The following CYTH3 variants were observed in gnomAD, a reference collection of about 807,000 sequenced individuals.
The protein encoded by CYTH3 is cytohesin-3.
CYTH3 carries 23 observed loss-of-function variants against 55.1 expected under a neutral mutation model. The observed-to-expected ratio is 0.42, with a 90% CI of 0.30 to 0.59. The LOEUF (loss-of-function observed/expected upper bound fraction) is 0.59, where lower values mean the gene tolerates loss of function less well. CYTH3 is among the 20% of genes least tolerant of loss of function. The probability of loss-of-function intolerance (pLI) is 0.20; values close to 1 mark genes in which losing one functional copy is unlikely to be tolerated. For synonymous variants in CYTH3, 249 were observed against 194.9 expected, an observed-to-expected ratio of 1.28 and a Z score of -2.31; for missense variants, 413 against 524.8, an observed-to-expected ratio of 0.79 and a Z score of 2.08.
chr7:6,215,839 T>C (rs1583169646), intron 1 of CYTH3, among the ~76,000 whole-genome samples: 1 of 152,062 alleles, frequency 6.6e-6, no homozygotes, highest in East Asian at 1.9e-4. Context: ...AGAAAGATAA[T>C]TCAAATGACA....
chr7:6,260,493 T>C lies in CYTH3; in HGVS notation c.34+11981A>G, dbSNP rs192593120. Among the ~76,000 whole-genome samples, 64 of 152,260 alleles carry C rather than the reference T, an allele frequency of 4.2e-4. 1 individual carries two copies. Among genetic ancestry groups the C allele is most frequent in the South Asian group, 3.1e-3 (15 of 4,830 alleles). On this transcript the variant is annotated intron_variant, in intron 1 of 12. Transcript: ENST00000350796. ...ATGCCACATTTCCAATTAAGGCCCA[T>C]GGCACGTGCCTTTCCTTCAGCAAAG...
intron 1 of CYTH3, among the ~76,000 whole-genome samples, chr7:6,241,564 ATT>A (rs1478815419): frequency 6.6e-6 from 1 of 152,204 alleles, no homozygotes; most frequent in Non-Finnish European, 1.5e-5. Context: ...ACTTCTGAAA[ATT>A]TCTCTCTCAG....
Position 6,170,747 on chromosome 7 carries a change from G to C in CYTH3, c.711+83C>G. The C allele has an allele frequency of 6.4e-7, 1 of 1,567,836 alleles. No individual in the cohort carries two copies. The highest frequency in any genetic ancestry group is 2.3e-5 in the East Asian group (1 of 43,054). On this transcript the variant is annotated intron_variant, in intron 8 of 12. Transcript: ENST00000350796. This position sits in a 1 kb window ranked among gnomAD's most constrained non-coding sequence, Gnocchi z 7.8. ...CCAGGGCGGCAAGGAGGCTTGGGAG[G>C]CGTGTCTAGAGCCGCGGGCGCTGCG...
chr7:6,170,580 G>T lies in CYTH3; in HGVS notation c.778C>A (p.His260Asn). ...IPEDDGNDLT[H>N]TFFNPDREGW... ...TCGCGGTCGGGGTTGAAGAAGGTGT[G>T]GGTCAGGTCGTTCCCGTCGTCCTCC... Residue 260 changes from histidine to asparagine, a missense_variant, in exon 9 of 13, where the codon CAC becomes AAC. This residue lies in a region of CYTH3 where 156 missense variants were observed against 233.1 expected (regional missense o/e 0.67). Transcript: ENST00000350796. The surrounding 1 kb of genome is among the most constrained non-coding windows in gnomAD (Gnocchi z 7.8). The T allele has an allele frequency of 6.2e-7, 1 of 1,613,996 alleles. No homozygotes were observed. The highest frequency in any genetic ancestry group is 8.5e-7 in the Non-Finnish European group (1 of 1,179,888).
intron 9 of CYTH3, among the ~76,000 whole-genome samples, chr7:6,166,094 CAT>C (rs761570217): frequency 1.1e-4 from 17 of 152,220 alleles, no homozygotes; most frequent in African/African-American, 2.4e-4. Flanking sequence ...CATTTTCCCA[CAT>C]GAGATGGCAG....
In CYTH3 at chr7:6,164,042, C is replaced by T. The variant is rs75873312; in HGVS notation, c.*902G>A. On this transcript the variant is annotated 3_prime_UTR_variant, in exon 13 of 13. Transcript: ENST00000350796. ...TTAGCAGTTACAGCCTAAACACCCC[C>T]AAACCATTAACTGTTATAATTTTAA... 1.3e-5 allele frequency: 2 copies of T among 152,298 alleles called. No individual in the cohort carries two copies. The highest frequency in any genetic ancestry group is 3.9e-4 in the East Asian group (2 of 5,184). 9.4% of individuals were successfully genotyped at this position (152,298 alleles called of 1,614,324 possible). A position where few individuals can be genotyped will look rare whatever the true frequency, so the allele number is the denominator to read the frequency against.
At chr7:6,194,946 G>C (rs538237978) in intron 1 of CYTH3, among the ~76,000 whole-genome samples, 60 of 152,166 alleles carry the variant, frequency 3.9e-4, no homozygotes, top group African/African-American at 1.4e-3. Context: ...TTGCACTCCA[G>C]CCTGAGCCAC....
chr7:6,259,193 G>A (rs970909051), intron 1 of CYTH3, among the ~76,000 whole-genome samples: 3 of 152,046 alleles, frequency 2.0e-5, no homozygotes, highest in Non-Finnish European at 2.9e-5. Flanking sequence ...GAAAACTTGG[G>A]GGAAAAAAAT....
Position 6,171,170 on chromosome 7 carries a change from G to C in CYTH3, c.562+32C>G, listed in dbSNP as rs896600626. 7 of 1,610,896 alleles carry C rather than the reference G, an allele frequency of 4.3e-6. No individual in the cohort carries two copies. Among genetic ancestry groups the C allele is most frequent in the Non-Finnish European group, 5.9e-6 (7 of 1,177,352 alleles). ...CCTCCAGAGCTGGAGGCTGTGCCTG[G>C]CAAGGGGCCAGGCTGTGGGCTCTGC... On this transcript the variant is annotated intron_variant, in intron 7 of 12. Coordinates refer to ENST00000350796, the MANE Select transcript of CYTH3 (RefSeq NM_004227.4). This position sits in a 1 kb window ranked among gnomAD's most constrained non-coding sequence, Gnocchi z 6.7.
chr7:6,224,598 A>G (rs921194363), intron 1 of CYTH3, among the ~76,000 whole-genome samples: 10 of 152,238 alleles, frequency 6.6e-5, no homozygotes, highest in East Asian at 1.9e-4. Context: ...TTTAACCATC[A>G]TACATTGCTG....
chr7:6,255,907 G>A (rs1780091363), intron 1 of CYTH3, among the ~76,000 whole-genome samples: 2 of 151,474 alleles, frequency 1.3e-5, no homozygotes, highest in African/African-American at 4.9e-5. Context: ...GGGACTACAG[G>A]TGCCCGCCAC....
At chr7:6,173,583 C>G (rs1302770455) in intron 6 of CYTH3, 70 bp downstream of exon 6, 38 of 982,608 alleles carry the variant, frequency 3.9e-5, no homozygotes, top group Non-Finnish European at 5.2e-5. Context: ...AATTCACCGC[C>G]ACTGCTGCCC....
chr7:6,174,713 A>G (rs540916355), intron 5 of CYTH3, among the ~76,000 whole-genome samples: 6 of 151,776 alleles, frequency 4.0e-5, no homozygotes, highest in Admixed American at 3.3e-4. Flanking sequence ...ACGCCTGGCT[A>G]ATTTTTTGTA....
At chr7:6,180,435 G>C (rs548420331) in intron 4 of CYTH3, among the ~76,000 whole-genome samples, 38 of 152,328 alleles carry the variant, frequency 2.5e-4, no homozygotes, top group Middle Eastern at 6.8e-3. Context: ...TGCAGAGAAG[G>C]CCACAAGACA....
intron 1 of CYTH3, among the ~76,000 whole-genome samples, chr7:6,199,652 A>T (rs958554374): frequency 3.3e-5 from 5 of 152,238 alleles, no homozygotes; most frequent in Non-Finnish European, 7.3e-5. Flanking sequence ...TCCTTCATGC[A>T]GGGGGAAAGA....
chr7:6,196,466 T>C (rs1239807839), intron 1 of CYTH3, among the ~76,000 whole-genome samples: 3 of 149,444 alleles, frequency 2.0e-5, no homozygotes, highest in South Asian at 2.1e-4. Context: ...CTTTTTTTTT[T>C]TTTTTTTTTT....
At chr7:6,246,431 C>T (rs999127610) in intron 1 of CYTH3, among the ~76,000 whole-genome samples, 2 of 152,114 alleles carry the variant, frequency 1.3e-5, no homozygotes, top group South Asian at 4.2e-4. Context: ...TTTTGCGTGA[C>T]ATGACCTTAT....
At position 6,179,921 on chromosome 7, in the gene CYTH3, CCA is replaced by C. The variant is rs746252535; in HGVS notation, c.250-1982_250-1981del. Among the ~76,000 whole-genome samples the C allele has an allele frequency of 3.7e-3, 515 of 141,080 alleles. 1 individual carries two copies. Among genetic ancestry groups the C allele is most frequent in the African/African-American group, 3.9e-3 (145 of 37,234 alleles). The allele number at this position is 141,080 out of a possible 152,430, so 92.6% of individuals were successfully genotyped here. On this transcript the variant is annotated intron_variant, in intron 4 of 12. Coordinates refer to ENST00000350796, the MANE Select transcript of CYTH3 (RefSeq NM_004227.4). ...CCACACACAACCACACACACACAAACCACACACACACACACACACACACAGTA... is the reference window on the plus strand; with the variant it reads ...CCACACACAACCACACACACACAAACCACACACACACACACACACACAGTA...
In CYTH3 at chr7:6,170,808, G is replaced by C. The variant is rs753652164; in HGVS notation, c.711+22C>G. Reference sequence around the variant, plus strand: ...GCGAAGAGATCCTGCAGACGGCAGCGGCCGCGGGCCGGGGAGCTCACCCTC... The same window carrying C: ...GCGAAGAGATCCTGCAGACGGCAGCCGCCGCGGGCCGGGGAGCTCACCCTC... On this transcript the variant is annotated intron_variant, in intron 8 of 12. Coordinates refer to ENST00000350796, the MANE Select transcript of CYTH3 (RefSeq NM_004227.4). This position sits in a 1 kb window ranked among gnomAD's most constrained non-coding sequence, Gnocchi z 7.8. 9 of 1,600,986 alleles carry C rather than the reference G, an allele frequency of 5.6e-6. No homozygotes were observed. In the African/African-American group the frequency reaches 9.4e-5, roughly 17 times the overall value.
Sources: allele counts gnomAD v4.1 joint callset (sites outside exome capture counted in the v4.1 genomes callset), GRCh38; gene constraint gnomAD v4.1.1; regional missense constraint gnomAD v4.1.1; non-coding constraint Gnocchi (gnomAD v3.1); transcripts MANE v1.5; gene names NCBI Gene and HGNC (gene_info 2026-07-23, HGNC 2026-07-21).